Variants in FGF1 observed in about 807,000 individuals in gnomAD.
FGF1 encodes beta-endothelial cell growth factor.
FGF1 carries 9 observed loss-of-function variants against 13.4 expected under a neutral mutation model. The ratio of observed to expected loss-of-function variants is 0.67; its 90% CI spans 0.40 to 1.17. FGF1 has a LOEUF of 1.17. Ranked by LOEUF, FGF1 falls within the 50% of genes most tolerant of loss-of-function variation. The pLI is 0.01. For synonymous variants in FGF1, 93 were observed against 79.0 expected, an observed-to-expected ratio of 1.18 and a Z score of -0.94; for missense variants, 156 against 192.7, an observed-to-expected ratio of 0.81 and a Z score of 1.13.
intron 1 of FGF1, among the ~76,000 whole-genome samples, chr5:142,664,977 T>C (rs2152009908): frequency 6.6e-6 from 1 of 152,352 alleles, no homozygotes; most frequent in Middle Eastern, 3.4e-3. Context: ...ATTGTATAAA[T>C]GTTAATGAGG....
intron 2 of FGF1, among the ~76,000 whole-genome samples, chr5:142,607,574 A>G (rs2151848653): frequency 6.6e-6 from 1 of 152,376 alleles, no homozygotes; most frequent in South Asian, 2.1e-4. Flanking sequence ...GGAGAAATTC[A>G]AACTCAGATA....
At chr5:142,633,736 A>C (rs1169081719) in intron 1 of FGF1, among the ~76,000 whole-genome samples, 1 of 152,110 alleles carries the variant, frequency 6.6e-6, no homozygotes, top group Admixed American at 6.5e-5. Context: ...TTTGGGGCCC[A>C]ATTTACTGCT....
intron 1 of FGF1, among the ~76,000 whole-genome samples, chr5:142,635,366 T>A (rs552414647): frequency 6.6e-6 from 1 of 152,346 alleles, no homozygotes; most frequent in East Asian, 1.9e-4. Flanking sequence ...TCCACCGCCA[T>A]CATCACCTTT....
Position 142,646,790 on chromosome 5 carries a change from C to A in FGF1, c.-34-32629G>T, listed in dbSNP as rs531541649. On this transcript the variant is annotated intron_variant, in intron 1 of 3. Transcript: ENST00000337706. Reference sequence around the variant, plus strand: ...TACAGGTGTGAGCCACTGCGCCCGGCCTTTTCTCTCCTTTTCTATGTGTCT... The same window carrying A: ...TACAGGTGTGAGCCACTGCGCCCGGACTTTTCTCTCCTTTTCTATGTGTCT... Among the ~76,000 whole-genome samples the A allele has an allele frequency of 7.2e-5, 11 of 152,336 alleles. No individual in the cohort carries two copies. The East Asian group carries it at 2.1e-3, about 29-fold the overall frequency.
chr5:142,694,641 C>G (rs1423234337), intron 2 of FGF1, among the ~76,000 whole-genome samples: 3 of 152,128 alleles, frequency 2.0e-5, no homozygotes, highest in African/African-American at 7.2e-5. Flanking sequence ...GCTTGGTCAC[C>G]CTGGTGGCGG....
At chr5:142,644,492 GC>G (rs1361722662) in intron 1 of FGF1, among the ~76,000 whole-genome samples, 1 of 152,006 alleles carries the variant, frequency 6.6e-6, no homozygotes, top group African/African-American at 2.4e-5. Context: ...GTGATTTGGG[GC>G]CACCACACCT....
At position 142,595,028 on chromosome 5, in the gene FGF1, G is replaced by C; in HGVS notation, c.*262C>G. The C allele has an allele frequency of 2.5e-6, 1 of 396,472 alleles. No homozygotes were observed. The allele number at this position is 396,472 out of a possible 1,614,324, so 24.6% of individuals were successfully genotyped here. A position where few individuals can be genotyped will look rare whatever the true frequency, so the allele number is the denominator to read the frequency against. ...GCATGGAGGGACTCAGCCTGCAAGAGGCAATTGGAGATCCAAACCCAGACC... is the reference window on the plus strand; with the variant it reads ...GCATGGAGGGACTCAGCCTGCAAGACGCAATTGGAGATCCAAACCCAGACC... On this transcript the variant is annotated 3_prime_UTR_variant, in exon 4 of 4. Coordinates refer to ENST00000337706, the MANE Select transcript of FGF1 (RefSeq NM_000800.5).
rs369556958 is a variant in FGF1, at chr5:142,646,545, G to A, written c.-34-32384C>T. 5.3e-5 allele frequency among the ~76,000 whole-genome samples: 8 copies of A among 152,174 alleles called. No individual in the cohort carries two copies. The South Asian group carries it at 1.7e-3, about 32-fold the overall frequency. On this transcript the variant is annotated intron_variant, in intron 1 of 3. Transcript: ENST00000337706. ...TTTTTGTGTTTTTAGTAGAGGCGGGGTTTCGCCATGTTGGTCAGGCTAGTC... is the reference window on the plus strand; with the variant it reads ...TTTTTGTGTTTTTAGTAGAGGCGGGATTTCGCCATGTTGGTCAGGCTAGTC...
intron 1 of FGF1, among the ~76,000 whole-genome samples, chr5:142,620,429 T>C (rs766656405): frequency 5.3e-5 from 8 of 151,550 alleles, no homozygotes; most frequent in Non-Finnish European, 1.2e-4. Context: ...AAAAAAAAAA[T>C]TGAAAACTCG....
At chr5:142,677,859 A>T (rs1179242919) in intron 1 of FGF1, among the ~76,000 whole-genome samples, 12 of 152,180 alleles carry the variant, frequency 7.9e-5, no homozygotes, top group Non-Finnish European at 1.5e-5. Context: ...GGTAATAGAA[A>T]GTTTTTTTAA....
At chr5:142,648,064 G>A (rs939734777) in intron 1 of FGF1, among the ~76,000 whole-genome samples, 1 of 152,178 alleles carries the variant, frequency 6.6e-6, no homozygotes, top group African/African-American at 2.4e-5. Flanking sequence ...CAGTCTGGGT[G>A]ACAGAGTGAG....
At position 142,618,921 on chromosome 5, in the gene FGF1, G is replaced by GTTTTTT. The variant is rs1343286807; in HGVS notation, c.-34-4761_-34-4760insAAAAAA. 1.5e-3 allele frequency among the ~76,000 whole-genome samples: 167 copies of GTTTTTT among 108,346 alleles called. 16 individuals carry two copies. Among genetic ancestry groups the GTTTTTT allele is most frequent in the African/African-American group, 4.7e-3 (145 of 30,650 alleles). 71.1% of individuals were successfully genotyped at this position (108,346 alleles called of 152,430 possible). A position where few individuals can be genotyped will look rare whatever the true frequency, so the allele number is the denominator to read the frequency against. ...GGCAAACACTGACATTTATTTTTTA[G>GTTTTTT]TTGTTTTGTTTTTTTTTTTTTTTTT... On this transcript the variant is annotated intron_variant, in intron 1 of 3. Coordinates refer to ENST00000337706, the MANE Select transcript of FGF1 (RefSeq NM_000800.5).
intron 1 of FGF1, among the ~76,000 whole-genome samples, chr5:142,675,835 CAG>C (rs929748498): frequency 2.6e-5 from 4 of 152,170 alleles, no homozygotes; most frequent in Non-Finnish European, 5.9e-5. Flanking sequence ...AGCTCAGTGC[CAG>C]GGGACATTGA....
chr5:142,620,505 T>C (rs945665659), intron 1 of FGF1, among the ~76,000 whole-genome samples: 5 of 152,056 alleles, frequency 3.3e-5, no homozygotes, highest in Non-Finnish European at 7.4e-5. Context: ...ATAAAAGGGA[T>C]TGCCACATAA....
chr5:142,616,126 G>A (rs772692332), intron 1 of FGF1, among the ~76,000 whole-genome samples: 3 of 152,208 alleles, frequency 2.0e-5, no homozygotes, highest in Non-Finnish European at 2.9e-5. Flanking sequence ...GCAGCTGTGC[G>A]GAGCTGCTCT....
chr5:142,661,746 A>ACGC (rs1219304220), intron 1 of FGF1, among the ~76,000 whole-genome samples: 17 of 152,180 alleles, frequency 1.1e-4, no homozygotes, highest in African/African-American at 3.9e-4. Context: ...GCGGTGGCTC[A>ACGC]CTATCCCAGC....
At chr5:142,601,216 C>T in intron 2 of FGF1, 1 of 458,080 alleles carries the variant, frequency 2.2e-6, no homozygotes, top group Non-Finnish European at 4.4e-6. Flanking sequence ...ATCTGGCCAG[C>T]CTGCATGTGT....
intron 1 of FGF1, among the ~76,000 whole-genome samples, chr5:142,657,453 C>T (rs542596483): frequency 1.4e-4 from 22 of 152,342 alleles, no homozygotes; most frequent in Non-Finnish European, 2.5e-4. Context: ...TCTGCAGTAC[C>T]CCATCTAGCC....
chr5:142,605,359 G>A (rs1027415312), intron 2 of FGF1, among the ~76,000 whole-genome samples: 5 of 150,972 alleles, frequency 3.3e-5, no homozygotes, highest in African/African-American at 1.2e-4. Flanking sequence ...GACTTCAGGC[G>A]ATCCACCCCC....
Sources: gnomAD v4.1 joint callset for allele counts (sites outside exome capture counted in the v4.1 genomes callset) on GRCh38, gnomAD v4.1.1 for gene constraint, MANE v1.5 for transcripts, NCBI Gene and HGNC (gene_info 2026-07-23, HGNC 2026-07-21) for gene names.